The following MFSD12 variants were observed in gnomAD, a reference collection of about 807,000 sequenced individuals.
The protein encoded by MFSD12 is major facilitator superfamily domain-containing protein 12.
MFSD12 carries 67 observed loss-of-function variants against 51.2 expected under a neutral mutation model. The observed-to-expected ratio is 1.31, with a 90% CI of 1.08 to 1.60. The LOEUF is 1.60. Among genes scored for constraint, MFSD12 ranks in the 40% most tolerant of loss-of-function variants. MFSD12 has a pLI of 0.00. For missense variants in MFSD12, 921 were observed against 673.0 expected (o/e 1.37, Z -4.08); for synonymous variants, 441 against 316.7 (o/e 1.39, Z -4.17).
intron 4 of MFSD12, chr19:3,539,046 C>G (rs1415960715): frequency 1.5e-6 from 1 of 655,344 alleles, no homozygotes; most frequent in Non-Finnish European, 2.8e-6. Context: ...CAGCCCTTCC[C>G]TCGAGGCCAC....
At chr19:3,543,007 G>C (rs765943801), downstream of MFSD12, 5 of 1,600,300 alleles carry the variant, frequency 3.1e-6, no homozygotes, top group South Asian at 1.1e-5. Context: ...GTGCTGACTT[G>C]GGTGCTTGGG....
In MFSD12 at chr19:3,546,566, A is replaced by C. The variant is rs1189197656; in HGVS notation, c.1024-141T>G. ...TAAGGAGCCCTGGCTCTGGCCCTGG[A>C]CACAACACCGAGGCTCTGCAGATCC... On this transcript the variant is annotated intron_variant, in intron 6 of 9. Transcript: ENST00000355415. 1.4e-5 allele frequency: 14 copies of C among 992,938 alleles called. No individual in the cohort carries two copies. The Admixed American group carries it at 2.8e-4, about 20-fold the overall frequency. The allele number at this position is 992,938 out of a possible 1,614,324, so 61.5% of individuals were successfully genotyped here. A position where few individuals can be genotyped will look rare whatever the true frequency, so the allele number is the denominator to read the frequency against.
At chr19:3,547,204 C>G in intron 6 of MFSD12, 68 bp downstream of exon 6, 1 of 1,366,742 alleles carries the variant, frequency 7.3e-7, no homozygotes, top group African/African-American at 1.4e-5. Context: ...GAACCCGGAG[C>G]GGGTGGGATC....
chr19:3,538,923 G>T lies in MFSD12; in HGVS notation c.*6-167C>A, dbSNP rs528431458. 1.2e-3 allele frequency: 782 copies of T among 655,376 alleles called. 5 individuals are homozygous for T. Among genetic ancestry groups the T allele is most frequent in the African/African-American group, 0.012 (656 of 56,102 alleles). 40.6% of individuals were successfully genotyped at this position (655,376 alleles called of 1,614,324 possible). Reference sequence around the variant, plus strand: ...GAGATGGAGAAGCCAGACCCCAGGTGGGGGGTGCATAGAGCTGGGGGCTCA... The same window carrying T: ...GAGATGGAGAAGCCAGACCCCAGGTTGGGGGTGCATAGAGCTGGGGGCTCA... On this transcript the variant is annotated intron_variant, in intron 4 of 4. Transcript: ENST00000398558.
chr19:3,546,487 A>G lies in MFSD12; in HGVS notation c.1024-62T>C, dbSNP rs1212204732. On this transcript the variant is annotated intron_variant, in intron 6 of 9. Coordinates refer to ENST00000355415, the MANE Select transcript of MFSD12 (RefSeq NM_174983.5). ...GGGTGCCCCCAAGCCTGGCGCTTCA[A>G]TCCGCCACCCCTACCCCCAACCCCA... 3 of 1,523,294 alleles carry G rather than the reference A, an allele frequency of 2.0e-6. No individual in the cohort carries two copies. The African/African-American group carries it at 4.1e-5, about 21-fold the overall frequency. The allele number at this position is 1,523,294 out of a possible 1,614,324, so 94.4% of individuals were successfully genotyped here.
At chr19:3,543,861 C>T, downstream of MFSD12, 2 of 1,548,434 alleles carry the variant, frequency 1.3e-6, no homozygotes, top group Non-Finnish European at 1.7e-6. Flanking sequence ...GGTGGAGCCA[C>T]TGTGGAGGGC....
chr19:3,539,142 G>A (rs2030137834), intron 4 of MFSD12: 1 of 1,475,990 alleles, frequency 6.8e-7, no homozygotes, highest in Non-Finnish European at 9.3e-7. Context: ...TGGCCTCAGA[G>A]GCCTTCTGGC....
At chr19:3,549,590 G>C (rs555132628) in intron 2 of MFSD12, among the ~76,000 whole-genome samples, 1 of 151,840 alleles carries the variant, frequency 6.6e-6, no homozygotes, top group Non-Finnish European at 1.5e-5. Context: ...GGGGGTGGTG[G>C]CGGGTGCCTG....
chr19:3,546,662 A>G (rs1313727636), intron 6 of MFSD12, among the ~76,000 whole-genome samples: 1 of 152,230 alleles, frequency 6.6e-6, no homozygotes, highest in African/African-American at 2.4e-5. Flanking sequence ...GCCTGAGCGC[A>G]GGTCAGTTAC....
downstream of MFSD12, chr19:3,539,264 A>T: frequency 6.5e-7 from 1 of 1,542,230 alleles, no homozygotes; most frequent in Non-Finnish European, 8.8e-7. Flanking sequence ...TGTACAGGTG[A>T]GCCCCTCCCT....
intron 2 of MFSD12, among the ~76,000 whole-genome samples, chr19:3,550,492 C>A (rs1235030331): frequency 6.6e-6 from 1 of 151,740 alleles, no homozygotes; most frequent in Non-Finnish European, 1.5e-5. Flanking sequence ...CCCGGGTTCA[C>A]ACCATTCTCC....
chr19:3,543,433 G>A (rs1351007800), downstream of MFSD12: 4 of 1,545,598 alleles, frequency 2.6e-6, no homozygotes, highest in South Asian at 4.8e-5. Flanking sequence ...ACAACCGCTG[G>A]CACAGCTGCT....
At position 3,544,833 on chromosome 19, in the gene MFSD12, G is replaced by C. The variant is rs753069855; in HGVS notation, c.1396C>G (p.Leu466Val). The C allele has an allele frequency of 2.5e-6, 4 of 1,612,580 alleles. No individual in the cohort carries two copies. The highest frequency in any genetic ancestry group is 3.4e-6 in the Non-Finnish European group (4 of 1,179,696). The change falls in exon 9 of 10, where the codon CTG becomes GTG. Residue 466 changes from leucine (L) to valine (V), a missense_variant. Coordinates refer to ENST00000355415, the MANE Select transcript of MFSD12 (RefSeq NM_174983.5). ...CAGCGTCGCAGGCGGGTCGGCCACA[G>C]CAGGAGGCTACAGAGACACAGGGCA... ...AAALCLCSLL[L>V]WPTRLRRWDR...
chr19:3,543,086 G>C, downstream of MFSD12: 1 of 1,567,798 alleles, frequency 6.4e-7, no homozygotes, highest in Non-Finnish European at 8.6e-7. Context: ...GAGGGGTACA[G>C]GGCTGAAGGA....
At chr19:3,544,031 C>T, downstream of MFSD12, 1 of 1,516,506 alleles carries the variant, frequency 6.6e-7, no homozygotes. Flanking sequence ...CCAGGATGCA[C>T]CCACTGTCTC....
chr19:3,546,495 CCCCTACCCCCAA>C lies in MFSD12; in HGVS notation c.1024-82_1024-71del. On this transcript the variant is annotated intron_variant, in intron 6 of 9. Coordinates refer to ENST00000355415, the MANE Select transcript of MFSD12 (RefSeq NM_174983.5). ...CCAAGCCTGGCGCTTCAATCCGCCA[CCCCTACCCCCAA>C]CCCCAGCAAACAAGGCATGAGCTGG... The C allele has an allele frequency of 8.7e-6, 13 of 1,500,522 alleles. 1 individual carries two copies. Among genetic ancestry groups the C allele is most frequent in the Non-Finnish European group, 1.2e-5 (13 of 1,115,250 alleles). 93.0% of individuals were successfully genotyped at this position (1,500,522 alleles called of 1,614,324 possible). A position where few individuals can be genotyped will look rare whatever the true frequency, so the allele number is the denominator to read the frequency against.
chr19:3,545,965 CTT>C (rs1363584316), intron 8 of MFSD12, 107 bp downstream of exon 8: 2 of 1,160,880 alleles, frequency 1.7e-6, no homozygotes, highest in African/African-American at 3.0e-5. Context: ...GGGCAGGTGT[CTT>C]TGGTCCACAG....
chr19:3,543,573 G>T, downstream of MFSD12: 1 of 1,539,554 alleles, frequency 6.5e-7, no homozygotes. Context: ...CAGCACCTGC[G>T]GGAGACCGCC....
At chr19:3,543,129 C>A, downstream of MFSD12, 2 of 1,512,096 alleles carry the variant, frequency 1.3e-6, no homozygotes, top group African/African-American at 1.4e-5. Context: ...GGAGACCCCA[C>A]GCCGTGGGCC....
Sources: allele counts gnomAD v4.1 joint callset (sites outside exome capture counted in the v4.1 genomes callset), GRCh38; gene constraint gnomAD v4.1.1; transcripts MANE v1.5; gene names NCBI Gene and HGNC (gene_info 2026-07-23, HGNC 2026-07-21).